The following TTN variants were observed in gnomAD, a reference collection of about 807,000 sequenced individuals.
TTN encodes titin, also known as connectin.
Under a neutral mutation model 3,223.0 loss-of-function variants are expected in TTN, and 1,525 were observed. The ratio of observed to expected loss-of-function variants is 0.47; its 90% confidence interval spans 0.45 to 0.49. The LOEUF is 0.49. Ranked by LOEUF, TTN falls within the 20% of genes least tolerant of loss-of-function variation. The pLI, the probability that TTN is intolerant of heterozygous loss-of-function variation, is 0.00. For missense variants in TTN, 40,786 were observed against 43,424.0 expected (o/e 0.94, Z 5.40); for synonymous variants, 14,094 against 15,161.0 (o/e 0.93, Z 5.17).
chr2:178,712,030 A>G lies in TTN; in HGVS notation c.27800T>C (p.Val9267Ala), dbSNP rs755143548. 24 of 1,613,728 alleles carry G rather than the reference A, an allele frequency of 1.5e-5. No individual in the cohort carries two copies. Among genetic ancestry groups the G allele is most frequent in the Non-Finnish European group, 1.9e-5 (23 of 1,179,776 alleles). Reference protein sequence around the residue: ...NNVATLVFNQVDINDSGEYIC... With the variant: ...NNVATLVFNQADINDSGEYIC... ...ATATTCTCCACTATCATTAATATCA[A>G]CCTGGTTGAAAACCAGTGTAGCAAC... The change falls in exon 96 of 363, where the codon GTT becomes GCT. Residue 9267 changes from valine to alanine, a missense_variant. By Grantham distance (64) the Val-to-Ala change is moderately conservative. Transcript: ENST00000589042.
chr2:178,800,578 C>G lies in TTN; in HGVS notation c.400G>C (p.Val134Leu). ...QVRVTGIPTP[V>L]VKFYRDGAEI... is the part of the protein sequence containing the mutation. The stretch of plus-strand genomic sequence containing the variant: ...GCTCCATCCCGGTAGAACTTCACCA[C>G]AGGTGTAGGGATTCCAGTCACTCTC... Residue 134 changes from valine (V) to leucine (L), a missense_variant, in exon 4 of 363, where the codon GTG (valine) becomes CTG (leucine). Physicochemically the swap from Val to Leu is conservative, Grantham distance 32 (BLOSUM62 1). Coordinates refer to ENST00000589042, the MANE Select transcript of TTN (RefSeq NM_001267550.2). 1 of 1,614,112 alleles carries G rather than the reference C, an allele frequency of 6.2e-7. No homozygotes were observed. Among genetic ancestry groups the G allele is most frequent in the East Asian group, 2.2e-5 (1 of 44,882 alleles).
Position 178,633,476 on chromosome 2 carries a change from C to G in TTN, c.42883G>C (p.Asp14295His), listed in dbSNP as rs1162989897. The change falls in exon 232 of 363, where the codon GAT becomes CAT. Residue 14295 changes from aspartate (D) to histidine (H), a missense_variant. Transcript: ENST00000589042. ...ILKIKKADLKDKGEYVCDCGT... is the reference protein window; with the variant it reads ...ILKIKKADLKHKGEYVCDCGT... ...CAGTCACACACATATTCGCCTTTAT[C>G]TTTAAGGTCCGCCTTTTTGATTTTT... 6.2e-7 allele frequency: 1 copy of G among 1,613,380 alleles called. No homozygotes were observed. The highest frequency in any genetic ancestry group is 8.5e-7 in the Non-Finnish European group (1 of 1,179,610).
chr2:178,737,972 G>A lies in TTN; in HGVS notation c.14371+110C>T, dbSNP rs547531768. 2.1e-6 allele frequency: 3 copies of A among 1,399,180 alleles called. No individual in the cohort carries two copies. The African/African-American group carries it at 4.3e-5, about 20-fold the overall frequency. The allele number at this position is 1,399,180 out of a possible 1,614,324, so 86.7% of individuals were successfully genotyped here. On this transcript the variant is annotated intron_variant, in intron 49 of 362. Coordinates refer to ENST00000589042, the MANE Select transcript of TTN (RefSeq NM_001267550.2). The stretch of plus-strand genomic sequence containing the variant: ...TACCTACCATGTTACTGTCTTGGTT[G>A]TTGGTCTCTCCAGTTGGTAATACAA...
At chr2:178,609,138 T>C in intron 273 of TTN, 70 bp downstream of exon 273, 1 of 1,422,650 alleles carries the variant, frequency 7.0e-7, no homozygotes, top group Non-Finnish European at 9.2e-7. Context: ...TTTAACTCTC[T>C]CCCAAACTTT....
At chr2:178,801,732 A>G (rs1432347927) in intron 3 of TTN, among the ~76,000 whole-genome samples, 1 of 152,210 alleles carries the variant, frequency 6.6e-6, no homozygotes, top group Admixed American at 6.5e-5. Flanking sequence ...GGTGGTCTGT[A>G]GACTACCGGC....
intron 222 of TTN, 49 bp downstream of exon 222, chr2:178,639,999 G>A (rs371348249): frequency 2.6e-5 from 42 of 1,594,106 alleles, no homozygotes; most frequent in Non-Finnish European, 3.5e-5. Context: ...TGTTATGTGT[G>A]TGAATACAGA....
intron 361 of TTN, 62 bp downstream of exon 361, chr2:178,528,212 G>T: frequency 6.5e-7 from 1 of 1,529,960 alleles, no homozygotes; most frequent in Non-Finnish European, 8.8e-7. Context: ...GCTTGAAAGA[G>T]AGGCAAAAAA....
Position 178,545,983 on chromosome 2 carries a change from G to C in TTN, c.95253C>G (p.Ser31751Arg), listed in dbSNP as rs753420295. 8.1e-6 allele frequency: 13 copies of C among 1,613,790 alleles called. No homozygotes were observed. The highest frequency in any genetic ancestry group is 1.0e-5 in the Non-Finnish European group (12 of 1,179,782). The change falls in exon 343 of 363, where the codon AGC becomes AGG. Residue 31751 changes from serine to arginine, a missense_variant. Ser to Arg is a moderately radical substitution (Grantham distance 110). Transcript: ENST00000589042. ...CTTCAACAATCACCCAGTTGAGCCT[G>C]CTAGTCTCGCGTCTTTCCACGATGT... ...THYIVERRET[S>R]RLNWVIVEGE...
chr2:178,602,633 C>G, intron 282 of TTN, 43 bp from the exon 283 acceptor site: 1 of 1,436,980 alleles, frequency 7.0e-7, no homozygotes, highest in Non-Finnish European at 9.2e-7. Flanking sequence ...GATTTTGAAG[C>G]TGATGAAGTG....
At position 178,712,969 on chromosome 2, in the gene TTN, G is replaced by C; in HGVS notation, c.27056C>G (p.Pro9019Arg). The change falls in exon 94 of 363, where the codon CCA (proline) becomes CGA (arginine). Residue 9019 changes from proline (P) to arginine (R), a missense_variant. Coordinates refer to ENST00000589042, the MANE Select transcript of TTN (RefSeq NM_001267550.2). The stretch of plus-strand genomic sequence containing the variant: ...GGGATCAGGTTTCTGAACAAAAGAT[G>C]GTGGTTCTAAACACAAAAGCACATA... ...CSAPLTVREP[P>R]SFVQKPDPMD... 1 of 1,612,114 alleles carries C rather than the reference G, an allele frequency of 6.2e-7. No individual in the cohort carries two copies. The highest frequency in any genetic ancestry group is 8.5e-7 in the Non-Finnish European group (1 of 1,178,780).
chr2:178,565,315 A>G lies in TTN; in HGVS notation c.80817T>C (p.Ile26939=), dbSNP rs758285371. ...EETATSTVLH[I]KEGNKDDFGK... is the part of the protein sequence containing the mutation. Reference sequence around the variant, plus strand: ...CAAAGTCATCTTTGTTACCTTCTTTAATGTGCAAAACAGTTGAGGTAGCTG... The same window carrying G: ...CAAAGTCATCTTTGTTACCTTCTTTGATGTGCAAAACAGTTGAGGTAGCTG... Residue 26939 remains isoleucine (I), a synonymous_variant, in exon 326 of 363, where the codon ATT becomes ATC. Coordinates refer to ENST00000589042, the MANE Select transcript of TTN (RefSeq NM_001267550.2). 8.1e-6 allele frequency: 13 copies of G among 1,613,460 alleles called. No individual in the cohort carries two copies. In the Admixed American group the frequency reaches 2.2e-4, roughly 27 times the overall value.
At chr2:178,751,912 G>C in intron 47 of TTN, 2 of 1,592,422 alleles carry the variant, frequency 1.3e-6, no homozygotes, top group South Asian at 2.3e-5. Context: ...CAGGCCAGGA[G>C]CTTGTAGATG....
intron 327 of TTN, 23 bp from the exon 328 acceptor site, chr2:178,558,258 G>A (rs1392134391): frequency 1.9e-6 from 3 of 1,591,838 alleles, no homozygotes; most frequent in Non-Finnish European, 2.6e-6. Flanking sequence ...TATAGAAAGT[G>A]AAAGTGAAAA....
At chr2:178,666,757 A>G in intron 163 of TTN, 67 bp downstream of exon 163, 1 of 1,361,736 alleles carries the variant, frequency 7.3e-7, no homozygotes, top group Non-Finnish European at 9.9e-7. Flanking sequence ...AGATATTAGT[A>G]TTTTTACATG....
At position 178,578,610 on chromosome 2, in the gene TTN, C is replaced by T; in HGVS notation, c.68329+1G>A. On this transcript the variant is annotated splice_donor_variant, in intron 321 of 362. Transcript: ENST00000589042. LOFTEE classifies it high-confidence loss of function. ...CTGTAGGATAAGAACAAACAAAATA[C>T]CTGTAATTGGAGAACCACCAGTTTT... 6.2e-7 allele frequency: 1 copy of T among 1,605,998 alleles called. No homozygotes were observed. Among genetic ancestry groups the T allele is most frequent in the Non-Finnish European group, 8.5e-7 (1 of 1,174,650 alleles).
chr2:178,744,237 G>A (rs1481684582), intron 47 of TTN, among the ~76,000 whole-genome samples: 1 of 151,806 alleles, frequency 6.6e-6, no homozygotes, highest in Non-Finnish European at 1.5e-5. Flanking sequence ...AAGAGGTGGA[G>A]GGAGATAAAA....
Position 178,605,651 on chromosome 2 carries a change from C to T in TTN, c.53644G>A (p.Asp17882Asn). The change falls in exon 279 of 363, where the codon GAC (aspartate) becomes AAC (asparagine). Residue 17882 changes from aspartate (D) to asparagine (N), a missense_variant. Asp to Asn is a conservative substitution (Grantham distance 23). Coordinates refer to ENST00000589042, the MANE Select transcript of TTN (RefSeq NM_001267550.2). ...TERTKSTITL[D>N]WKEPRSNGGS... Reference sequence around the variant, plus strand: ...CCATTACTGCGGGGCTCTTTCCAGTCAAGTGTGATAGTGGACTTTGTCCTT... The same window carrying T: ...CCATTACTGCGGGGCTCTTTCCAGTTAAGTGTGATAGTGGACTTTGTCCTT... 3 of 1,610,242 alleles carry T rather than the reference C, an allele frequency of 1.9e-6. No individual in the cohort carries two copies. Among genetic ancestry groups the T allele is most frequent in the Non-Finnish European group, 2.5e-6 (3 of 1,177,612 alleles).
At position 178,729,547 on chromosome 2, in the gene TTN, T is replaced by C. The variant is rs777227340; in HGVS notation, c.18609A>G (p.Arg6203=). The C allele has an allele frequency of 3.7e-6, 6 of 1,612,926 alleles. No individual in the cohort carries two copies. The Admixed American group carries it at 1.0e-4, about 27-fold the overall frequency. The part of the protein sequence containing the change: ...LKVKEPPTFI[R]ELKPVEVVKY... Reference sequence around the variant, plus strand: ...TTACTACCTCCACAGGCTTCAGCTCTCTGATAAAGGTGGGGGGTTCTAAAG... The same window carrying C: ...TTACTACCTCCACAGGCTTCAGCTCCCTGATAAAGGTGGGGGGTTCTAAAG... Residue 6203 remains arginine, a synonymous_variant, in exon 64 of 363, where the codon AGA becomes AGG. Coordinates refer to ENST00000589042, the MANE Select transcript of TTN (RefSeq NM_001267550.2).
At position 178,614,265 on chromosome 2, in the gene TTN, C is replaced by T. The variant is rs376610251; in HGVS notation, c.49132G>A (p.Asp16378Asn). The T allele has an allele frequency of 3.7e-6, 6 of 1,612,560 alleles. No homozygotes were observed. The highest frequency in any genetic ancestry group is 1.7e-5 in the Admixed American group (1 of 59,880). Reference sequence around the variant, plus strand: ...TAGTTTGTGATCTTAGATCCACCATCATCGCGTGGTGGGTTCCATGTTAGA... The same window carrying T: ...TAGTTTGTGATCTTAGATCCACCATTATCGCGTGGTGGGTTCCATGTTAGA... The part of the protein sequence containing the change: ...CLLTWNPPRD[D>N]GGSKITNYVV... Residue 16378 changes from aspartate to asparagine, a missense_variant, in exon 262 of 363, where the codon GAT becomes AAT. By Grantham distance (23) the Asp-to-Asn change is conservative. Coordinates refer to ENST00000589042, the MANE Select transcript of TTN (RefSeq NM_001267550.2).
Sources: gnomAD v4.1 joint callset for allele counts (sites outside exome capture counted in the v4.1 genomes callset) on GRCh38, gnomAD v4.1.1 for gene constraint, MANE v1.5 for transcripts, NCBI Gene and HGNC (gene_info 2026-07-23, HGNC 2026-07-21) for gene names.